SULF1: variants seen among roughly 807,000 people sequenced by gnomAD.
The protein encoded by SULF1 is sulfatase 1.
In SULF1, 46 loss-of-function variants were observed where a neutral mutation model predicts 110.5. That is an observed-to-expected ratio of 0.42 (90% CI 0.33 to 0.53). The LOEUF (loss-of-function observed/expected upper bound fraction) is 0.53. Ranked by LOEUF, SULF1 falls within the 20% of genes least tolerant of loss-of-function variation. The probability of loss-of-function intolerance (pLI) is 0.12; values close to 1 mark genes in which losing one functional copy is unlikely to be tolerated. For missense variants in SULF1, 941 were observed against 1,094.2 expected (o/e 0.86, Z 1.98); for synonymous variants, 371 against 387.1 (o/e 0.96, Z 0.49).
intron 3 of SULF1, among the ~76,000 whole-genome samples, chr8:69,521,962 C>A (rs1165891534): frequency 6.6e-6 from 1 of 150,674 alleles, no homozygotes; most frequent in African/African-American, 2.4e-5. Context: ...AAGATAGAGC[C>A]AACAGTATTG....
At chr8:69,537,941 C>G (rs1434464084) in intron 3 of SULF1, among the ~76,000 whole-genome samples, 3 of 150,778 alleles carry the variant, frequency 2.0e-5, no homozygotes, top group Non-Finnish European at 4.4e-5. Flanking sequence ...GTAATTTTCT[C>G]AAGTTTTATA....
intron 3 of SULF1, among the ~76,000 whole-genome samples, chr8:69,514,505 C>G (rs1457153541): frequency 6.6e-6 from 1 of 152,182 alleles, no homozygotes; most frequent in African/African-American, 2.4e-5. Flanking sequence ...GGTGGGGGTA[C>G]AGAGTCAAGC....
At chr8:69,538,169 G>A (rs577525135) in intron 3 of SULF1, among the ~76,000 whole-genome samples, 1 of 151,840 alleles carries the variant, frequency 6.6e-6, no homozygotes, top group African/African-American at 2.4e-5. Flanking sequence ...CACCGTGTTA[G>A]CCAGGATGTC....
chr8:69,512,955 C>T (rs969548030), intron 3 of SULF1, among the ~76,000 whole-genome samples: 1 of 152,188 alleles, frequency 6.6e-6, no homozygotes, highest in Admixed American at 6.5e-5. Flanking sequence ...GAATTTATTT[C>T]TCCCTTTGAC....
At chr8:69,652,442 T>G (rs7001561) in intron 22 of SULF1, among the ~76,000 whole-genome samples, 32,732 of 152,182 alleles carry the variant, frequency 0.22, 4,278 homozygotes, top group African/African-American at 0.37. Context: ...AGTCTATTAG[T>G]ATTCTCTTTT....
intron 19 of SULF1, among the ~76,000 whole-genome samples, chr8:69,634,271 C>A (rs2130644218): frequency 6.6e-6 from 1 of 152,220 alleles, no homozygotes; most frequent in African/African-American, 2.4e-5. Context: ...TTGTTAATAT[C>A]AAATCTCAAG....
At chr8:69,598,130 G>C (rs993126634) in intron 8 of SULF1, among the ~76,000 whole-genome samples, 2 of 152,010 alleles carry the variant, frequency 1.3e-5, no homozygotes, top group African/African-American at 4.8e-5. Flanking sequence ...AAAAGGGGGG[G>C]ACCATTTGGT....
At chr8:69,624,357 G>A (rs1809837431) in intron 15 of SULF1, among the ~76,000 whole-genome samples, 160 bp downstream of exon 15, 1 of 152,196 alleles carries the variant, frequency 6.6e-6, no homozygotes, top group African/African-American at 2.4e-5. Context: ...GAAACAATGA[G>A]TCCACGCAAT....
chr8:69,498,595 C>A (rs542644020), intron 2 of SULF1, among the ~76,000 whole-genome samples: 5 of 152,144 alleles, frequency 3.3e-5, no homozygotes, highest in Non-Finnish European at 7.3e-5. Context: ...CTAAGTACCA[C>A]ACTATGTGGC....
intron 14 of SULF1, among the ~76,000 whole-genome samples, chr8:69,623,492 T>C (rs973023087): frequency 6.6e-6 from 1 of 152,232 alleles, no homozygotes; most frequent in Non-Finnish European, 1.5e-5. Context: ...GAGATAAATA[T>C]GAAGTATATA....
chr8:69,603,728 T>C, intron 12 of SULF1, 72 bp downstream of exon 12: 1 of 1,054,424 alleles, frequency 9.5e-7, no homozygotes, highest in South Asian at 1.3e-5. Context: ...AGTATTTTTT[T>C]TCTCCTTATT....
upstream of SULF1, among the ~76,000 whole-genome samples, chr8:69,488,205 G>T (rs147830917): frequency 5.7e-3 from 860 of 152,170 alleles, 6 homozygotes; most frequent in Middle Eastern, 0.014. Flanking sequence ...TTAATTTTAG[G>T]TTGTTTCTGA....
chr8:69,659,188 A>C lies in SULF1; in HGVS notation c.*653A>C, dbSNP rs1159829980. ...TGGAATTTCAGTTCATCAGATGTTCACCATGGCCACCGCAGAACACCGAAG... is the reference window on the plus strand; with the variant it reads ...TGGAATTTCAGTTCATCAGATGTTCCCCATGGCCACCGCAGAACACCGAAG... On this transcript the variant is annotated 3_prime_UTR_variant, in exon 23 of 23. Coordinates refer to ENST00000402687, the MANE Select transcript of SULF1 (RefSeq NM_001128205.2). The C allele has an allele frequency of 2.2e-6, 1 of 456,824 alleles. No homozygotes were observed. Among genetic ancestry groups the C allele is most frequent in the South Asian group, 1.5e-5 (1 of 64,562 alleles). 28.3% of individuals were successfully genotyped at this position (456,824 alleles called of 1,614,324 possible).
intron 3 of SULF1, among the ~76,000 whole-genome samples, chr8:69,506,111 G>A (rs72658218): frequency 6.6e-6 from 1 of 152,172 alleles, no homozygotes; most frequent in Non-Finnish European, 1.5e-5. Context: ...GTGTCAAAAC[G>A]GTTCATACAA....
At chr8:69,577,855 A>T (rs1323949404) in intron 6 of SULF1, among the ~76,000 whole-genome samples, 1 of 152,172 alleles carries the variant, frequency 6.6e-6, no homozygotes, top group Non-Finnish European at 1.5e-5. Flanking sequence ...TCTGACTCCA[A>T]AGTCTTTCCT....
At chr8:69,658,449 G>C (rs1812884482) in intron 22 of SULF1, 56 bp from the exon 23 acceptor site, 1 of 1,307,918 alleles carries the variant, frequency 7.6e-7, no homozygotes, top group South Asian at 1.4e-5. Context: ...TGCTTGTCCA[G>C]GTAAGTAGAA....
intron 22 of SULF1, chr8:69,642,298 GAGA>G: frequency 1.0e-6 from 1 of 987,232 alleles, no homozygotes; most frequent in Non-Finnish European, 1.2e-6. Context: ...TCCTTTTAGA[GAGA>G]AGGTCATTAG....
At chr8:69,644,897 T>C (rs1334749292) in intron 22 of SULF1, among the ~76,000 whole-genome samples, 1 of 152,150 alleles carries the variant, frequency 6.6e-6, no homozygotes, top group Non-Finnish European at 1.5e-5. Context: ...TGGGTTCTCC[T>C]CTCCCTGTCA....
intron 5 of SULF1, among the ~76,000 whole-genome samples, chr8:69,571,233 T>G (rs1340320563): frequency 1.3e-5 from 2 of 152,180 alleles, no homozygotes; most frequent in East Asian, 3.9e-4. Context: ...TTTAATGTGA[T>G]GGGGTTGAGG....
Sources: gnomAD v4.1 joint callset for allele counts (sites outside exome capture counted in the v4.1 genomes callset) on GRCh38, gnomAD v4.1.1 for gene constraint, MANE v1.5 for transcripts, NCBI Gene and HGNC (gene_info 2026-07-23, HGNC 2026-07-21) for gene names.